The following TRPM3 variants were observed in gnomAD, a reference collection of about 807,000 sequenced individuals.
TRPM3 encodes the protein long transient receptor potential channel 3.
Under a neutral mutation model 181.2 loss-of-function variants are expected in TRPM3, and 77 were observed. The observed-to-expected ratio is 0.42, with a 90% CI of 0.35 to 0.51. The LOEUF (loss-of-function observed/expected upper bound fraction) is 0.51, where lower values mean the gene tolerates loss of function less well. Ranked by LOEUF, TRPM3 falls within the 20% of genes least tolerant of loss-of-function variation. The probability of loss-of-function intolerance (pLI) is 0.01; values close to 1 mark genes in which losing one functional copy is unlikely to be tolerated. For synonymous variants in TRPM3, 745 were observed against 796.4 expected (o/e 0.94, Z 1.09); for missense variants, 1,759 against 2,196.7 (o/e 0.80, Z 3.98).
intron 1 of TRPM3, among the ~76,000 whole-genome samples, chr9:71,043,913 A>G (rs1268820181): frequency 6.6e-6 from 1 of 152,036 alleles, no homozygotes; most frequent in Non-Finnish European, 1.5e-5. Context: ...CTTAGACCTG[A>G]TCCTTTTTCA....
chr9:71,104,744 A>T (rs2069128914), intron 1 of TRPM3, among the ~76,000 whole-genome samples: 1 of 152,208 alleles, frequency 6.6e-6, no homozygotes, highest in African/African-American at 2.4e-5. Flanking sequence ...GAGAAATTTA[A>T]CATCACATTA....
chr9:71,071,305 T>G (rs530189029), intron 1 of TRPM3, among the ~76,000 whole-genome samples: 4 of 152,114 alleles, frequency 2.6e-5, no homozygotes, highest in Non-Finnish European at 4.4e-5. Flanking sequence ...AAGAAAGAAA[T>G]AAAACATTCT....
chr9:71,115,503 A>C (rs1016160175), intron 1 of TRPM3, among the ~76,000 whole-genome samples: 3 of 152,204 alleles, frequency 2.0e-5, no homozygotes, highest in African/African-American at 7.2e-5. Context: ...GGGAGAAAAA[A>C]TATGATCTGA....
Position 70,625,013 on chromosome 9 carries a change from G to A in TRPM3, c.1809+178C>T, listed in dbSNP as rs766328344. ...GACCCAAAACCTGGAAAACTGCTGA[G>A]TTTAATAATCTCAATGATAAGATTA... On this transcript the variant is annotated intron_variant, in intron 14 of 25. Transcript: ENST00000677713. This position sits in a 1 kb window ranked among gnomAD's most constrained non-coding sequence, Gnocchi z 4.8. Among the ~76,000 whole-genome samples the A allele has an allele frequency of 6.6e-6, 1 of 152,188 alleles. No homozygotes were observed. Among genetic ancestry groups the A allele is most frequent in the Admixed American group, 6.5e-5 (1 of 15,282 alleles).
At chr9:70,753,552 C>G (rs1233660207) in intron 8 of TRPM3, among the ~76,000 whole-genome samples, 1 of 152,106 alleles carries the variant, frequency 6.6e-6, no homozygotes, top group South Asian at 2.1e-4. Flanking sequence ...TGAGGGAACC[C>G]AGATGGGAGC....
At chr9:71,226,383 T>C (rs1317437702) in intron 1 of TRPM3, among the ~76,000 whole-genome samples, 4 of 151,676 alleles carry the variant, frequency 2.6e-5, no homozygotes, top group Admixed American at 2.0e-4. Context: ...TTGAAAGACA[T>C]AGAGTGGCTG....
intron 3 of TRPM3, among the ~76,000 whole-genome samples, chr9:70,854,313 G>A (rs2095327479): frequency 6.6e-6 from 1 of 152,202 alleles, no homozygotes; most frequent in Admixed American, 6.5e-5. Flanking sequence ...TGATACTTGA[G>A]TGTCAGATAG....
chr9:70,921,930 C>CAA (rs2096658723), intron 1 of TRPM3, among the ~76,000 whole-genome samples: 1 of 121,244 alleles, frequency 8.2e-6, no homozygotes, highest in African/African-American at 3.6e-5. Flanking sequence ...CACACACACA[C>CAA]ACACACAAAC....
intron 16 of TRPM3, 25 bp from the exon 17 acceptor site, chr9:70,619,120 G>A: frequency 1.3e-6 from 2 of 1,592,408 alleles, no homozygotes; most frequent in South Asian, 2.3e-5. Flanking sequence ...GGGTGGAAGA[G>A]TCCTTCAGGT....
At position 71,287,330 on chromosome 9, in the gene TRPM3, C is replaced by T. The variant is rs145490774; in HGVS notation, c.183+159323G>A. Among the ~76,000 whole-genome samples the T allele has an allele frequency of 5.9e-4, 90 of 151,826 alleles. 1 individual carries two copies. In the East Asian group the frequency reaches 0.016, roughly 27 times the overall value. ...ACAGGAGAAGCAATGACTTGCCTTACCTTCTGAAGTCTCAGGCATTTCAGA... is the reference window on the plus strand; with the variant it reads ...ACAGGAGAAGCAATGACTTGCCTTATCTTCTGAAGTCTCAGGCATTTCAGA... On this transcript the variant is annotated intron_variant, in intron 1 of 24. Coordinates refer to the TRPM3 transcript ENST00000357533.
chr9:71,152,407 T>TTA (rs2075781608), intron 1 of TRPM3, among the ~76,000 whole-genome samples: 1 of 152,108 alleles, frequency 6.6e-6, no homozygotes, highest in Admixed American at 6.6e-5. Context: ...ATCACCATGA[T>TTA]TAAAAGGCTT....
intron 7 of TRPM3, among the ~76,000 whole-genome samples, chr9:70,769,463 T>C (rs1211560285): frequency 6.6e-6 from 1 of 152,146 alleles, no homozygotes. Context: ...CAAGGGTATA[T>C]TGCACGTTTC....
chr9:70,851,468 A>G (rs940978640), intron 3 of TRPM3, among the ~76,000 whole-genome samples: 1 of 152,206 alleles, frequency 6.6e-6, no homozygotes, highest in Non-Finnish European at 1.5e-5. Flanking sequence ...GCCTCCCTTG[A>G]TAGATAATTT....
chr9:70,532,916 C>T lies in TRPM3; in HGVS notation c.*3037G>A, dbSNP rs2041087807. The T allele has an allele frequency of 6.6e-6, 1 of 152,170 alleles. No homozygotes were observed. 9.4% of individuals were successfully genotyped at this position (152,170 alleles called of 1,614,324 possible). Reference sequence around the variant, plus strand: ...ACAGAATCAATGCCACATTGCTGCACAGAGAACCCAGAAATGGAAGGAAAT... The same window carrying T: ...ACAGAATCAATGCCACATTGCTGCATAGAGAACCCAGAAATGGAAGGAAAT... On this transcript the variant is annotated 3_prime_UTR_variant, in exon 26 of 26. Coordinates refer to ENST00000677713, the MANE Select transcript of TRPM3 (RefSeq NM_001366145.2).
chr9:71,407,268 G>A (rs997696520), intron 1 of TRPM3, among the ~76,000 whole-genome samples: 5 of 152,188 alleles, frequency 3.3e-5, no homozygotes, highest in African/African-American at 1.2e-4. Context: ...CTGAAGCACA[G>A]TGGGGCATCA....
rs1457670328 is a variant in TRPM3, at chr9:70,751,824, T to A, written c.1272+9777A>T. Among the ~76,000 whole-genome samples, 3 of 152,078 alleles carry A rather than the reference T, an allele frequency of 2.0e-5. No individual in the cohort carries two copies. The South Asian group carries it at 6.2e-4, about 31-fold the overall frequency. On this transcript the variant is annotated intron_variant, in intron 8 of 25. Transcript: ENST00000677713. ...AGAAGAAGAGGGGCACTACTTCCTC[T>A]GATACTACATAGAAAAAAAAGGCAT... is the stretch of plus-strand genomic sequence containing the variant.
Position 70,882,046 on chromosome 9 carries a change from A to G in TRPM3, c.178-17535T>C, listed in dbSNP as rs1589502067. Among the ~76,000 whole-genome samples, 3 of 152,340 alleles carry G rather than the reference A, an allele frequency of 2.0e-5. No individual in the cohort carries two copies. The Middle Eastern group carries it at 0.01, about 518-fold the overall frequency. On this transcript the variant is annotated intron_variant, in intron 1 of 25. Coordinates refer to ENST00000677713, the MANE Select transcript of TRPM3 (RefSeq NM_001366145.2). ...GTGCTAGGAAGTTATTCTTAGCCAG[A>G]GCGTTAAGTAGCTGTGTCAGCCAAA...
chr9:71,354,733 C>T (rs1433515626), intron 1 of TRPM3, among the ~76,000 whole-genome samples: 1 of 152,192 alleles, frequency 6.6e-6, no homozygotes, highest in Admixed American at 6.5e-5. Flanking sequence ...ATCCTCTGTC[C>T]TCTGTCACAA....
At chr9:70,639,307 C>T in intron 10 of TRPM3, 113 bp from the exon 11 acceptor site, 6 of 1,182,604 alleles carry the variant, frequency 5.1e-6, no homozygotes, top group Non-Finnish European at 7.2e-6. Context: ...GGTAAACCTT[C>T]AGCACATCTA....
Sources: gnomAD v4.1 joint callset for allele counts (sites outside exome capture counted in the v4.1 genomes callset) on GRCh38, gnomAD v4.1.1 for gene constraint, Gnocchi (gnomAD v3.1) non-coding constraint, MANE v1.5 for transcripts, NCBI Gene and HGNC (gene_info 2026-07-23, HGNC 2026-07-21) for gene names.